Variants in AHNAK2 observed in about 807,000 individuals in gnomAD.
The protein encoded by AHNAK2 is AHNAK nucleoprotein 2.
In AHNAK2, 18 loss-of-function variants were observed where a neutral mutation model predicts 30.7. That is an observed-to-expected ratio of 0.59 (90% CI 0.41 to 0.87). The LOEUF (loss-of-function observed/expected upper bound fraction) is 0.87. Among genes scored for constraint, AHNAK2 ranks in the 40% least tolerant of loss-of-function variants. AHNAK2 has a pLI of 0.00. For missense variants in AHNAK2, 8,604 were observed against 7,373.0 expected (o/e 1.17, Z -6.11); for synonymous variants, 3,590 against 3,073.8 (o/e 1.17, Z -5.56).
chr14:104,940,897 T>C lies in AHNAK2; in HGVS notation c.14554A>G (p.Met4852Val), dbSNP rs1419804665. The change falls in exon 7 of 7, where the codon ATG becomes GTG. Residue 4852 changes from methionine to valine, a missense_variant. By Grantham distance (21) the Met-to-Val change is conservative. Transcript: ENST00000333244. This position sits in a 1 kb window ranked among gnomAD's most constrained non-coding sequence, Gnocchi z 4.4. ...AESHSGPLNS[M>V]IPVSLGQVSF... is the part of the protein sequence containing the mutation. ...ACCTGACCAAGAGAAACAGGAATCATGGAATTCAGTGGGCCAGAGTGACTC... is the reference window on the plus strand; with the variant it reads ...ACCTGACCAAGAGAAACAGGAATCACGGAATTCAGTGGGCCAGAGTGACTC... 4 of 1,612,650 alleles carry C rather than the reference T, an allele frequency of 2.5e-6. No homozygotes were observed. The South Asian group carries it at 3.3e-5, about 13-fold the overall frequency.
In AHNAK2 at chr14:104,938,483, A is replaced by C. The variant is rs760114998; in HGVS notation, c.16968T>G (p.Ser5656=). Residue 5656 remains serine, a synonymous_variant, in exon 7 of 7, where the codon TCT becomes TCG. Transcript: ENST00000333244. ...WFWLPNIGFS[S]SVDETGVDSK... is the part of the protein sequence containing the mutation. The stretch of plus-strand genomic sequence containing the variant: ...AATCAACACCTGTCTCATCAACAGA[A>C]GAGGAAAACCCAATGTTTGGAAGCC... 6.2e-7 allele frequency: 1 copy of C among 1,613,902 alleles called. No homozygotes were observed. Among genetic ancestry groups the C allele is most frequent in the South Asian group, 1.1e-5 (1 of 91,054 alleles).
Position 104,943,524 on chromosome 14 carries a change from G to C in AHNAK2, c.11927C>G (p.Pro3976Arg). ...GCCTGGGGCAGACACCCCGAACGAC[G>C]GCATCTTGAACTTGGGCATTTTGAA... The part of the protein sequence containing the change: ...SKFKMPKFKM[P>R]SFGVSAPGKS... Residue 3976 changes from proline to arginine, a missense_variant, in exon 7 of 7, where the codon CCG becomes CGG. Physicochemically the swap from Pro to Arg is moderately radical, Grantham distance 103 (BLOSUM62 -2). Transcript: ENST00000333244. 3.7e-6 allele frequency: 6 copies of C among 1,612,824 alleles called. No individual in the cohort carries two copies. The highest frequency in any genetic ancestry group is 1.1e-5 in the South Asian group (1 of 91,006).
rs750615614 is a variant in AHNAK2, at chr14:104,945,412, T to C, written c.10039A>G (p.Met3347Val). The C allele has an allele frequency of 2.7e-5, 43 of 1,613,030 alleles. No individual in the cohort carries two copies. Among genetic ancestry groups the C allele is most frequent in the Admixed American group, 1.2e-4 (7 of 59,952 alleles). Residue 3347 changes from methionine (M) to valine (V), a missense_variant, in exon 7 of 7, where the codon ATG becomes GTG. By Grantham distance (21) the Met-to-Val change is conservative (BLOSUM62 1). Transcript: ENST00000333244. ...KAEADVSLPSMQGDLKTTDLS... is the reference protein window; with the variant it reads ...KAEADVSLPSVQGDLKTTDLS... ...TCAGTGGTCTTGAGGTCCCCCTGCA[T>C]GGAGGGGAGGCTCACGTCGGCCTCC...
chr14:104,953,809 C>T lies in AHNAK2; in HGVS notation c.1642G>A (p.Glu548Lys). The change falls in exon 7 of 7, where the codon GAA (glutamate) becomes AAA (lysine). Residue 548 changes from glutamate to lysine, a missense_variant. Coordinates refer to ENST00000333244, the MANE Select transcript of AHNAK2 (RefSeq NM_138420.4). ...MPGREPTTHA[E>K]AQGDEGDGEE... ...CCATCTCCTTCATCCCCCTGTGCTT[C>T]TGCATGTGTGGTTGGTTCCCTGCCC... 6.2e-7 allele frequency: 1 copy of T among 1,613,994 alleles called. No homozygotes were observed. The highest frequency in any genetic ancestry group is 8.5e-7 in the Non-Finnish European group (1 of 1,179,890).
intron 1 of AHNAK2, among the ~76,000 whole-genome samples, chr14:104,963,161 T>A (rs938171751): frequency 6.6e-6 from 1 of 152,242 alleles, no homozygotes; most frequent in African/African-American, 2.4e-5. Context: ...GCAGCAGATT[T>A]GAACAGACAT....
intron 1 of AHNAK2, among the ~76,000 whole-genome samples, chr14:104,960,332 G>A (rs1369991034): frequency 1.3e-5 from 2 of 152,204 alleles, no homozygotes; most frequent in East Asian, 1.9e-4. Flanking sequence ...TACTGAACAC[G>A]TGTAGACTTT....
Position 104,950,148 on chromosome 14 carries a change from A to C in AHNAK2, c.5303T>G (p.Leu1768Arg), listed in dbSNP as rs1170062695. The C allele has an allele frequency of 6.3e-7, 1 of 1,586,208 alleles. No individual in the cohort carries two copies. Among genetic ancestry groups the C allele is most frequent in the Admixed American group, 1.7e-5 (1 of 57,446 alleles). Residue 1768 changes from leucine to arginine, a missense_variant, in exon 7 of 7, where the codon CTG becomes CGG. Transcript: ENST00000333244. ...CTCCGCCTTGGGGCCTTTCAGGTCC[A>C]GCTTGGGGCCCTTGACGTCCATCTG... Reference protein sequence around the residue: ...GPQMDVKGPKLDLKGPKAEVM... With the variant: ...GPQMDVKGPKRDLKGPKAEVM...
At position 104,950,672 on chromosome 14, in the gene AHNAK2, C is replaced by A; in HGVS notation, c.4779G>T (p.Gly1593=). The A allele has an allele frequency of 6.3e-7, 1 of 1,580,974 alleles. No homozygotes were observed. The highest frequency in any genetic ancestry group is 8.6e-7 in the Non-Finnish European group (1 of 1,161,372). ...SFKMPKVDLK[G]PQIDVKGPKL... is the part of the protein sequence containing the mutation. The stretch of plus-strand genomic sequence containing the variant: ...TGGGGCCCTTAACATCTATCTGGGG[C>A]CCCTTGAGGTCCACTTTGGGCATCT... Residue 1593 remains glycine (G), a synonymous_variant, in exon 7 of 7, where the codon GGG becomes GGT. Transcript: ENST00000333244.
chr14:104,963,064 C>T (rs1237117646), intron 1 of AHNAK2, among the ~76,000 whole-genome samples: 2 of 152,124 alleles, frequency 1.3e-5, no homozygotes, highest in South Asian at 2.1e-4. Context: ...CCTCAGAAAA[C>T]GAAAAGGCAG....
intron 4 of AHNAK2, 26 bp from the exon 5 acceptor site, chr14:104,955,659 T>C: frequency 6.2e-7 from 1 of 1,607,514 alleles, no homozygotes; most frequent in Non-Finnish European, 8.5e-7. Flanking sequence ...ATCAGGGCCA[T>C]GGTGAGCATG....
chr14:104,971,323 C>T (rs1039226173), intron 1 of AHNAK2, among the ~76,000 whole-genome samples: 2 of 152,152 alleles, frequency 1.3e-5, no homozygotes, highest in Non-Finnish European at 2.9e-5. Flanking sequence ...CCATATTGTC[C>T]AGGCTGATCT....
chr14:104,955,791 G>C (rs1456304895), intron 4 of AHNAK2, among the ~76,000 whole-genome samples, 158 bp from the exon 5 acceptor site: 1 of 152,200 alleles, frequency 6.6e-6, no homozygotes, highest in African/African-American at 2.4e-5. Context: ...GGTGGGCTCA[G>C]GTAGCTGTCT....
chr14:104,965,071 C>A (rs1899261149), intron 1 of AHNAK2, among the ~76,000 whole-genome samples: 1 of 149,912 alleles, frequency 6.7e-6, no homozygotes, highest in Non-Finnish European at 1.5e-5. Flanking sequence ...GCAATTGTTT[C>A]TTTTAGCTCA....
In AHNAK2 at chr14:104,978,191, G is replaced by T; in HGVS notation, c.47C>A (p.Pro16His). 8.2e-7 allele frequency: 1 copy of T among 1,215,380 alleles called. No homozygotes were observed. 75.3% of individuals were successfully genotyped at this position (1,215,380 alleles called of 1,614,324 possible). ...GGCGGGGAGGGGCGCACCGCTGCCG[G>T]GGGTTCCGGGCCAGGTGGGCAGCAC... is the stretch of plus-strand genomic sequence containing the variant. ...HMVLPTWPGT[P>H]GSVSGRQLQP... is the part of the protein sequence containing the mutation. Residue 16 changes from proline (P) to histidine (H), a missense_variant, in exon 1 of 7, where the codon CCC becomes CAC. Pro to His is a moderately conservative substitution (Grantham distance 77). Transcript: ENST00000333244.
chr14:104,950,032 C>G lies in AHNAK2; in HGVS notation c.5419G>C (p.Gly1807Arg), dbSNP rs771759150. The change falls in exon 7 of 7, where the codon GGT (glycine) becomes CGT (arginine). Residue 1807 changes from glycine to arginine, a missense_variant. By Grantham distance (125) the Gly-to-Arg change is moderately radical. Coordinates refer to ENST00000333244, the MANE Select transcript of AHNAK2 (RefSeq NM_138420.4). ...TCCTTGTCGGCCAGGGACAGGTCAC[C>G]CTCCAGCCGCACACTGTCCAGCTTG... Reference protein sequence around the residue: ...GAKLDSVRLEGDLSLADKDVT... With the variant: ...GAKLDSVRLERDLSLADKDVT... The G allele has an allele frequency of 6.3e-7, 1 of 1,586,928 alleles. No individual in the cohort carries two copies. The highest frequency in any genetic ancestry group is 8.6e-7 in the Non-Finnish European group (1 of 1,163,162).
In AHNAK2 at chr14:104,945,455, A is replaced by G. The variant is rs562827752; in HGVS notation, c.9996T>C (p.Asp3332=). ...CGGCCTCCGCCTTCGGCGCAGACAC[A>G]TCCACCGAGGCCTGGATGGACTTGC... ...APGKSIQASV[D]VSAPKAEADV... The change falls in exon 7 of 7, where the codon GAT becomes GAC. Residue 3332 remains aspartate (D), a synonymous_variant. Coordinates refer to ENST00000333244, the MANE Select transcript of AHNAK2 (RefSeq NM_138420.4). 2 of 1,613,298 alleles carry G rather than the reference A, an allele frequency of 1.2e-6. No individual in the cohort carries two copies. Among genetic ancestry groups the G allele is most frequent in the African/African-American group, 1.3e-5 (1 of 74,872 alleles).
At chr14:104,955,377 T>A in intron 5 of AHNAK2, 106 bp downstream of exon 5, 1 of 1,460,084 alleles carries the variant, frequency 6.8e-7, no homozygotes, top group Non-Finnish European at 9.2e-7. Context: ...CGTGAGGAGG[T>A]CATCCTAAGC....
chr14:104,942,009 G>T lies in AHNAK2; in HGVS notation c.13442C>A (p.Ser4481Tyr). The T allele has an allele frequency of 6.2e-7, 1 of 1,613,468 alleles. No individual in the cohort carries two copies. The highest frequency in any genetic ancestry group is 2.2e-5 in the East Asian group (1 of 44,842). ...AGACACATCCACCGAGACCTCGATGGACTTGCCTGGGGACAACATCCCAAA... is the reference window on the plus strand; with the variant it reads ...AGACACATCCACCGAGACCTCGATGTACTTGCCTGGGGACAACATCCCAAA... ...PSFGMLSPGK[S>Y]IEVSVDVSAP... Residue 4481 changes from serine (S) to tyrosine (Y), a missense_variant, in exon 7 of 7, where the codon TCC becomes TAC. By Grantham distance (144) the Ser-to-Tyr change is moderately radical. Transcript: ENST00000333244.
Position 104,978,320 on chromosome 14 carries a change from G to A in AHNAK2, c.-83C>T. 1.3e-6 allele frequency: 1 copy of A among 755,886 alleles called. No individual in the cohort carries two copies. Among genetic ancestry groups the A allele is most frequent in the Non-Finnish European group, 1.7e-6 (1 of 600,798 alleles). The allele number at this position is 755,886 out of a possible 1,614,324, so 46.8% of individuals were successfully genotyped here. A position where few individuals can be genotyped will look rare whatever the true frequency, so the allele number is the denominator to read the frequency against. On this transcript the variant is annotated 5_prime_UTR_variant, in exon 1 of 7. Coordinates refer to ENST00000333244, the MANE Select transcript of AHNAK2 (RefSeq NM_138420.4). The stretch of plus-strand genomic sequence containing the variant: ...CTCCGGCGCACGGGGCGGGCGGGCG[G>A]GAGCCGCGCTCTGCCCCGCTGCCCT...
Sources: allele counts gnomAD v4.1 joint callset (sites outside exome capture counted in the v4.1 genomes callset), GRCh38; gene constraint gnomAD v4.1.1; non-coding constraint Gnocchi (gnomAD v3.1); transcripts MANE v1.5; gene names NCBI Gene and HGNC (gene_info 2026-07-23, HGNC 2026-07-21).